TYW1: variants seen among roughly 807,000 people sequenced by gnomAD.
The protein encoded by TYW1 is S-adenosyl-L-methionine-dependent tRNA 4-demethylwyosine synthase TYW1.
In TYW1, 46 loss-of-function variants were observed where a neutral mutation model predicts 96.2. The observed-to-expected ratio is 0.48, with a 90% CI of 0.38 to 0.61. The LOEUF is 0.61. TYW1 is among the 20% of genes least tolerant of loss of function. The pLI is 0.00. For missense variants in TYW1, 684 were observed against 909.6 expected, an observed-to-expected ratio of 0.75 and a Z score of 3.19; for synonymous variants, 274 against 323.0, an observed-to-expected ratio of 0.85 and a Z score of 1.63.
At chr7:67,041,215 C>T (rs1440414060) in intron 7 of TYW1, among the ~76,000 whole-genome samples, 3 of 152,172 alleles carry the variant, frequency 2.0e-5, no homozygotes, top group East Asian at 1.9e-4. Flanking sequence ...ATCTTGTTTT[C>T]GATTTCTATG....
At chr7:67,180,505 A>G (rs1373383118) in intron 13 of TYW1, among the ~76,000 whole-genome samples, 1 of 149,226 alleles carries the variant, frequency 6.7e-6, no homozygotes, top group Non-Finnish European at 1.5e-5. Flanking sequence ...ATTATTTACA[A>G]TTAATTATTT....
chr7:67,119,230 A>G (rs1409252069), intron 13 of TYW1, among the ~76,000 whole-genome samples: 1 of 151,998 alleles, frequency 6.6e-6, no homozygotes, highest in Non-Finnish European at 1.5e-5. Context: ...TAAAAAAATG[A>G]CAGTTTCCTG....
chr7:67,195,093 T>C, intron 14 of TYW1, 77 bp from the exon 15 acceptor site: 1 of 1,540,166 alleles, frequency 6.5e-7, no homozygotes, highest in East Asian at 2.3e-5. Context: ...CAAGAAGGTT[T>C]TCCGGCTCTG....
chr7:67,036,233 A>G (rs188554140), intron 7 of TYW1, among the ~76,000 whole-genome samples: 114 of 150,716 alleles, frequency 7.6e-4, no homozygotes, highest in African/African-American at 2.6e-3. Flanking sequence ...TCGGAATCCT[A>G]TTATGGCCCT....
intron 10 of TYW1, among the ~76,000 whole-genome samples, chr7:67,071,531 C>A (rs1007084162): frequency 6.6e-6 from 1 of 151,962 alleles, no homozygotes; most frequent in East Asian, 1.9e-4. Context: ...TGGCCCACTG[C>A]AACCTCCACT....
chr7:67,155,821 A>C (rs1798952973), intron 13 of TYW1, among the ~76,000 whole-genome samples: 1 of 150,980 alleles, frequency 6.6e-6, no homozygotes, highest in African/African-American at 2.4e-5. Context: ...GATATCTTAC[A>C]CCTGGTTTAA....
chr7:67,052,357 GTC>G lies in TYW1; in HGVS notation c.1102+2294_1102+2295del, dbSNP rs979441631. On this transcript the variant is annotated intron_variant, in intron 8 of 15. Coordinates refer to ENST00000359626, the MANE Select transcript of TYW1 (RefSeq NM_018264.4). ...TCATTTAAAAAAAGTTCTTTCTTCTGTCTCACTTTTCATTTTGGTTAGTTTCT... is the reference window on the plus strand; with the variant it reads ...TCATTTAAAAAAAGTTCTTTCTTCTGTCACTTTTCATTTTGGTTAGTTTCT... Among the ~76,000 whole-genome samples the G allele has an allele frequency of 5.1e-4, 78 of 152,130 alleles. 1 individual carries two copies. Among genetic ancestry groups the G allele is most frequent in the Middle Eastern group, 6.8e-3 (2 of 294 alleles).
At position 66,996,916 on chromosome 7, in the gene TYW1, A is replaced by G. The variant is rs1793183767; in HGVS notation, c.-63A>G. On this transcript the variant is annotated 5_prime_UTR_variant, in exon 1 of 16. Coordinates refer to ENST00000359626, the MANE Select transcript of TYW1 (RefSeq NM_018264.4). Reference sequence around the variant, plus strand: ...GAGGTAGCTCGGTGCGTCTCGCGGTACCAGTGCGAATCATCGGGCTATCCA... The same window carrying G: ...GAGGTAGCTCGGTGCGTCTCGCGGTGCCAGTGCGAATCATCGGGCTATCCA... 6 of 1,612,452 alleles carry G rather than the reference A, an allele frequency of 3.7e-6. No homozygotes were observed. In the South Asian group the frequency reaches 5.5e-5, roughly 15 times the overall value.
intron 4 of TYW1, among the ~76,000 whole-genome samples, chr7:67,013,162 C>G (rs2129240754): frequency 6.6e-6 from 1 of 151,120 alleles, no homozygotes; most frequent in African/African-American, 2.4e-5. Flanking sequence ...GTTGCCCAGG[C>G]TGGAGTGCAG....
At chr7:67,219,764 T>C (rs1486054997) in intron 15 of TYW1, among the ~76,000 whole-genome samples, 1 of 151,964 alleles carries the variant, frequency 6.6e-6, no homozygotes, top group Non-Finnish European at 1.5e-5. Context: ...GAGTCTTATT[T>C]CTCTCCTTTT....
intron 10 of TYW1, among the ~76,000 whole-genome samples, chr7:67,077,839 T>C (rs950852383): frequency 2.6e-5 from 4 of 152,234 alleles, no homozygotes; most frequent in African/African-American, 7.2e-5. Flanking sequence ...CTAAAGTGTT[T>C]CCTCTGTGTT....
chr7:67,076,750 A>G (rs1279567466), intron 10 of TYW1, among the ~76,000 whole-genome samples: 2 of 148,786 alleles, frequency 1.3e-5, no homozygotes, highest in African/African-American at 2.5e-5. Context: ...TGCTGGGATT[A>G]CAGGCTTGAG....
At chr7:67,153,450 A>G (rs1029243119) in intron 13 of TYW1, among the ~76,000 whole-genome samples, 3 of 152,208 alleles carry the variant, frequency 2.0e-5, no homozygotes, top group African/African-American at 7.2e-5. Flanking sequence ...AGCAAGACTC[A>G]GTCTCAAAAA....
At chr7:67,168,187 T>G (rs1799409883) in intron 13 of TYW1, among the ~76,000 whole-genome samples, 1 of 150,660 alleles carries the variant, frequency 6.6e-6, no homozygotes, top group Non-Finnish European at 1.5e-5. Context: ...TTATATGATT[T>G]CCTTTATTCT....
chr7:67,103,695 T>C (rs903967737), intron 12 of TYW1, among the ~76,000 whole-genome samples: 1 of 152,220 alleles, frequency 6.6e-6, no homozygotes, highest in Non-Finnish European at 1.5e-5. Context: ...TCTTAGTTTC[T>C]TTCAGAAAAA....
intron 13 of TYW1, among the ~76,000 whole-genome samples, chr7:67,159,427 A>G (rs1339182824): frequency 6.6e-6 from 1 of 152,230 alleles, no homozygotes; most frequent in Non-Finnish European, 1.5e-5. Context: ...ATGATGAAGT[A>G]CAACTCCAGA....
At chr7:67,122,958 T>C (rs114288899) in intron 13 of TYW1, among the ~76,000 whole-genome samples, 5,130 of 152,288 alleles carry the variant, frequency 0.034, 258 homozygotes, top group African/African-American at 0.12. Flanking sequence ...GCATTGAGAC[T>C]TTCACAAAGG....
chr7:67,020,455 G>T (rs1413123457), intron 6 of TYW1, among the ~76,000 whole-genome samples: 2 of 152,068 alleles, frequency 1.3e-5, no homozygotes, highest in Non-Finnish European at 2.9e-5. Context: ...AGCCAGGATG[G>T]TCTCAATCTC....
At chr7:67,003,902 G>A (rs1793482446) in intron 3 of TYW1, among the ~76,000 whole-genome samples, 1 of 152,072 alleles carries the variant, frequency 6.6e-6, no homozygotes, top group Non-Finnish European at 1.5e-5. Context: ...AAATTAGCCT[G>A]GTGTGGTGGC....
Sources: allele counts gnomAD v4.1 joint callset (sites outside exome capture counted in the v4.1 genomes callset), GRCh38; gene constraint gnomAD v4.1.1; transcripts MANE v1.5; gene names NCBI Gene and HGNC (gene_info 2026-07-23, HGNC 2026-07-21).